The following WWOX variants were observed in gnomAD, a reference collection of about 807,000 sequenced individuals.
WWOX encodes the protein WW domain containing oxidoreductase, also known as WW domain-containing oxidoreductase.
WWOX carries 69 observed loss-of-function variants against 46.2 expected under a neutral mutation model. The observed-to-expected ratio is 1.49, with a 90% CI of 1.23 to 1.82. The LOEUF is 1.82. Ranked by LOEUF, WWOX falls within the 40% of genes most tolerant of loss-of-function variation. The pLI, the probability that WWOX is intolerant of heterozygous loss-of-function variation, is 0.00. For missense variants in WWOX, 919 were observed against 542.6 expected, an observed-to-expected ratio of 1.69 and a Z score of -6.89; for synonymous variants, 359 against 202.6, an observed-to-expected ratio of 1.77 and a Z score of -6.56.
At chr16:78,689,667 T>G (rs2047941285) in intron 8 of WWOX, among the ~76,000 whole-genome samples, 1 of 152,166 alleles carries the variant, frequency 6.6e-6, no homozygotes, top group Non-Finnish European at 1.5e-5. Context: ...CTTGTAGTAA[T>G]TTGCATCCAC....
chr16:78,100,713 C>T (rs1162962502), intron 1 of WWOX, among the ~76,000 whole-genome samples: 1 of 152,200 alleles, frequency 6.6e-6, no homozygotes, highest in African/African-American at 2.4e-5. Flanking sequence ...ATACGAGGGT[C>T]AGTTCAGGCA....
intron 8 of WWOX, among the ~76,000 whole-genome samples, chr16:78,860,681 G>C (rs2052695532): frequency 6.6e-6 from 1 of 152,204 alleles, no homozygotes; most frequent in Non-Finnish European, 1.5e-5. Context: ...AAAAAGAAGT[G>C]TTCTTCCTGT....
chr16:78,855,434 C>G (rs948960573), intron 8 of WWOX, among the ~76,000 whole-genome samples: 2 of 152,118 alleles, frequency 1.3e-5, no homozygotes, highest in African/African-American at 2.4e-5. Context: ...AGTTTAATCA[C>G]AGGTGATCTG....
chr16:78,914,020 C>G (rs1487231866), intron 8 of WWOX, among the ~76,000 whole-genome samples: 1 of 151,952 alleles, frequency 6.6e-6, no homozygotes, highest in Non-Finnish European at 1.5e-5. Context: ...ATTGGTCCAT[C>G]TGAGGATCAT....
At chr16:79,040,096 C>T (rs1597314473) in intron 8 of WWOX, among the ~76,000 whole-genome samples, 2 of 152,214 alleles carry the variant, frequency 1.3e-5, no homozygotes, top group Middle Eastern at 6.8e-3. Flanking sequence ...ATCATTCCTA[C>T]CCCATAGGTT....
At chr16:78,945,590 TG>T (rs2045933271) in intron 8 of WWOX, among the ~76,000 whole-genome samples, 1 of 152,206 alleles carries the variant, frequency 6.6e-6, no homozygotes, top group Non-Finnish European at 1.5e-5. Flanking sequence ...TTCTCTCTTT[TG>T]GTTTGTTGGC....
At chr16:78,395,151 A>T (rs2082257426) in intron 6 of WWOX, among the ~76,000 whole-genome samples, 2 of 152,212 alleles carry the variant, frequency 1.3e-5, no homozygotes. Flanking sequence ...CAGCAATAAG[A>T]CAACTAATTA....
At chr16:78,751,264 G>A (rs1361149396) in intron 8 of WWOX, among the ~76,000 whole-genome samples, 4 of 151,420 alleles carry the variant, frequency 2.6e-5, no homozygotes, top group African/African-American at 4.9e-5. Context: ...AAATATACCT[G>A]GAAACTTTAT....
At chr16:78,484,917 T>G (rs1434426897) in intron 8 of WWOX, among the ~76,000 whole-genome samples, 3 of 152,118 alleles carry the variant, frequency 2.0e-5, no homozygotes, top group Non-Finnish European at 4.4e-5. Flanking sequence ...TCCACTGGTT[T>G]TCCGGGCTGT....
intron 8 of WWOX, among the ~76,000 whole-genome samples, chr16:78,648,261 C>T (rs1262536108): frequency 6.6e-6 from 1 of 152,182 alleles, no homozygotes; most frequent in Non-Finnish European, 1.5e-5. Flanking sequence ...TGGTGAGGGG[C>T]TGGTTTTTAG....
intron 8 of WWOX, among the ~76,000 whole-genome samples, chr16:79,149,969 A>G (rs2050247167): frequency 1.3e-5 from 2 of 152,204 alleles, no homozygotes; most frequent in South Asian, 2.1e-4. Context: ...CAGTAAGACC[A>G]CATCTGTGGG....
At chr16:78,831,750 G>C (rs549065929) in intron 8 of WWOX, among the ~76,000 whole-genome samples, 6 of 152,344 alleles carry the variant, frequency 3.9e-5, no homozygotes, top group African/African-American at 1.2e-4. Context: ...GTAAATACTA[G>C]TGAAAATAAT....
chr16:78,340,978 G>A (rs2081001875), intron 5 of WWOX, among the ~76,000 whole-genome samples: 1 of 118,350 alleles, frequency 8.4e-6, no homozygotes, highest in African/African-American at 2.9e-5. Context: ...GTACATAGCT[G>A]ACACACAGGT....
At chr16:78,537,616 A>G (rs1474151384) in intron 8 of WWOX, among the ~76,000 whole-genome samples, 1 of 152,094 alleles carries the variant, frequency 6.6e-6, no homozygotes, top group African/African-American at 2.4e-5. Flanking sequence ...AGTCATACAG[A>G]TAGGCTCGAA....
At chr16:78,522,648 C>T (rs1337856977) in intron 8 of WWOX, among the ~76,000 whole-genome samples, 3 of 152,228 alleles carry the variant, frequency 2.0e-5, no homozygotes, top group Admixed American at 2.0e-4. Flanking sequence ...TCTATAGCAA[C>T]ACTAATAAGT....
chr16:78,377,897 G>C (rs777452133), intron 5 of WWOX, among the ~76,000 whole-genome samples: 16 of 152,090 alleles, frequency 1.1e-4, no homozygotes, highest in Non-Finnish European at 2.2e-4. Flanking sequence ...TTTATAAATT[G>C]AGTTCCAGCA....
intron 8 of WWOX, among the ~76,000 whole-genome samples, chr16:79,018,526 A>T (rs930667682): frequency 3.9e-5 from 6 of 152,162 alleles, no homozygotes; most frequent in African/African-American, 1.4e-4. Context: ...CAATGGTCTG[A>T]TTAATTGAAT....
At chr16:78,195,551 G>C (rs9924436) in intron 5 of WWOX, among the ~76,000 whole-genome samples, 3,952 of 152,094 alleles carry the variant, frequency 0.026, 155 homozygotes, top group African/African-American at 0.09. Context: ...AAAAAAAAGA[G>C]CGGCTCACAC....
intron 8 of WWOX, among the ~76,000 whole-genome samples, chr16:78,980,558 T>G (rs755313583): frequency 6.6e-6 from 1 of 152,228 alleles, no homozygotes; most frequent in African/African-American, 2.4e-5. Context: ...TTTTGTCTTT[T>G]ACGAAGCGTT....
Sources: allele counts gnomAD v4.1 joint callset (sites outside exome capture counted in the v4.1 genomes callset), GRCh38; gene constraint gnomAD v4.1.1; transcripts MANE v1.5; gene names NCBI Gene and HGNC (gene_info 2026-07-23, HGNC 2026-07-21).